The following PIGU variants were observed in gnomAD, a reference collection of about 807,000 sequenced individuals.
The protein encoded by PIGU is phosphatidylinositol glycan anchor biosynthesis class U.
A neutral mutation model predicts 49.9 loss-of-function variants in PIGU; 24 were observed. The observed-to-expected ratio is 0.48, with a 90% confidence interval of 0.35 to 0.68. The LOEUF (loss-of-function observed/expected upper bound fraction) is 0.68. Ranked by LOEUF, PIGU falls within the 30% of genes least tolerant of loss-of-function variation. PIGU has a pLI of 0.01. For synonymous variants in PIGU, 220 were observed against 205.7 expected (o/e 1.07, Z -0.59); for missense variants, 490 against 532.6 (o/e 0.92, Z 0.79).
At chr20:34,640,493 G>A (rs986762151) in intron 4 of PIGU, among the ~76,000 whole-genome samples, 8 of 46,964 alleles carry the variant, frequency 1.7e-4, no homozygotes, top group East Asian at 8.5e-4. Context: ...ACACATGTGC[G>A]CACGCGCACA....
At chr20:34,600,439 A>G (rs941452284) in intron 7 of PIGU, among the ~76,000 whole-genome samples, 10 of 152,032 alleles carry the variant, frequency 6.6e-5, no homozygotes, top group African/African-American at 2.4e-4. Flanking sequence ...AAAAAAGAGA[A>G]AAGAGAAGAA....
chr20:34,623,866 C>T lies in PIGU; in HGVS notation c.530-7727G>A, dbSNP rs146195353. Reference sequence around the variant, plus strand: ...AGGCTTTGAAGTTGGGTTGACCTGACAAAAACTGAGTCCTTGAGTCCTCTA... The same window carrying T: ...AGGCTTTGAAGTTGGGTTGACCTGATAAAAACTGAGTCCTTGAGTCCTCTA... On this transcript the variant is annotated intron_variant, in intron 6 of 11. Coordinates refer to ENST00000217446, the MANE Select transcript of PIGU (RefSeq NM_080476.5). Among the ~76,000 whole-genome samples the T allele has an allele frequency of 5.2e-4, 79 of 152,246 alleles. No homozygotes were observed. The East Asian group carries it at 0.014, about 27-fold the overall frequency.
At chr20:34,601,361 A>G (rs1984418652) in intron 7 of PIGU, among the ~76,000 whole-genome samples, 1 of 152,222 alleles carries the variant, frequency 6.6e-6, no homozygotes, top group Non-Finnish European at 1.5e-5. Context: ...TCTATTTATA[A>G]AAACTGAACT....
Position 34,560,946 on chromosome 20 carries a change from G to A in PIGU, c.1228C>T (p.Leu410=). 1 of 1,612,778 alleles carries A rather than the reference G, an allele frequency of 6.2e-7. No homozygotes were observed. The highest frequency in any genetic ancestry group is 8.5e-7 in the Non-Finnish European group (1 of 1,178,954). Residue 410 remains leucine, a synonymous_variant, in exon 12 of 12, where the codon CTG becomes TTG. Transcript: ENST00000217446. ...LLISDYFYAF[L]RREYYLTHGL... ...TGTGTGAGGTAGTACTCCCGCCGCA[G>A]GAAGGCATAGAAGTAATCAGAGATG...
chr20:34,647,001 T>A (rs913372627), intron 2 of PIGU, among the ~76,000 whole-genome samples: 6 of 151,900 alleles, frequency 3.9e-5, no homozygotes, highest in African/African-American at 9.7e-5. Flanking sequence ...ATTTTTTTTG[T>A]TATTTATATA....
chr20:34,566,237 C>T (rs1253342641), intron 11 of PIGU, among the ~76,000 whole-genome samples: 1 of 152,254 alleles, frequency 6.6e-6, no homozygotes, highest in East Asian at 1.9e-4. Context: ...TACATGGACC[C>T]TGAAGTGAAG....
chr20:34,602,325 G>C (rs751864829), intron 7 of PIGU, among the ~76,000 whole-genome samples: 4 of 151,766 alleles, frequency 2.6e-5, no homozygotes, highest in Non-Finnish European at 5.9e-5. Flanking sequence ...GGCTGGGTGC[G>C]GTGGCTCACA....
intron 7 of PIGU, among the ~76,000 whole-genome samples, chr20:34,593,207 C>A: frequency 6.6e-6 from 1 of 151,932 alleles, no homozygotes. Context: ...CATGGTGGCA[C>A]ATGTCTGTAG....
intron 7 of PIGU, among the ~76,000 whole-genome samples, chr20:34,613,981 G>A (rs1302367548): frequency 4.6e-5 from 7 of 152,150 alleles, no homozygotes; most frequent in African/African-American, 1.7e-4. Context: ...CAGTGATTTA[G>A]CTAAAGCAAC....
At chr20:34,660,250 T>A (rs1218960611) in intron 1 of PIGU, among the ~76,000 whole-genome samples, 2 of 151,958 alleles carry the variant, frequency 1.3e-5, no homozygotes, top group African/African-American at 4.8e-5. Flanking sequence ...GATGCTAAAA[T>A]TAGTGGGCAA....
intron 9 of PIGU, among the ~76,000 whole-genome samples, chr20:34,582,473 A>C (rs1983519759): frequency 6.6e-6 from 1 of 152,070 alleles, no homozygotes; most frequent in African/African-American, 2.4e-5. Context: ...TGAGCCCAGG[A>C]GTTTGAGACC....
At chr20:34,588,103 T>C (rs1373083875) in intron 8 of PIGU, among the ~76,000 whole-genome samples, 2 of 151,994 alleles carry the variant, frequency 1.3e-5, no homozygotes, top group Non-Finnish European at 2.9e-5. Context: ...AATACAAAAA[T>C]TAGCCGGGCG....
intron 7 of PIGU, among the ~76,000 whole-genome samples, chr20:34,588,880 T>C (rs1202547146): frequency 6.6e-6 from 1 of 152,152 alleles, no homozygotes; most frequent in Non-Finnish European, 1.5e-5. Flanking sequence ...TGCACCATTG[T>C]TTGGAATATC....
chr20:34,572,983 G>A (rs1983076404), intron 11 of PIGU, among the ~76,000 whole-genome samples: 2 of 152,266 alleles, frequency 1.3e-5, no homozygotes, highest in African/African-American at 4.8e-5. Flanking sequence ...TGGGGGCTCA[G>A]GCAGATCTTT....
chr20:34,639,167 C>T (rs6142212), intron 4 of PIGU, among the ~76,000 whole-genome samples: 59,278 of 151,726 alleles, frequency 0.39, 11,930 homozygotes, highest in Admixed American at 0.56. Context: ...TTTGGGAGGC[C>T]GAGGCAGGCA....
At chr20:34,615,890 A>T in intron 7 of PIGU, 152 bp downstream of exon 7, 17 of 1,305,094 alleles carry the variant, frequency 1.3e-5, no homozygotes, top group Non-Finnish European at 1.6e-5. Flanking sequence ...CACTTTGTTT[A>T]AAGTTAGTCA....
At chr20:34,659,347 A>G (rs1793527416) in intron 1 of PIGU, among the ~76,000 whole-genome samples, 1 of 133,516 alleles carries the variant, frequency 7.5e-6, no homozygotes, top group Non-Finnish European at 1.6e-5. Context: ...CCGGGAGGTG[A>G]GGGGCGCCTC....
chr20:34,615,457 G>A (rs572559271), intron 7 of PIGU, among the ~76,000 whole-genome samples: 4 of 152,284 alleles, frequency 2.6e-5, no homozygotes, highest in South Asian at 2.1e-4. Flanking sequence ...AGATAGTTGC[G>A]TTTGCAAATA....
At chr20:34,569,107 G>A (rs997130827) in intron 11 of PIGU, among the ~76,000 whole-genome samples, 2 of 152,094 alleles carry the variant, frequency 1.3e-5, no homozygotes, top group Non-Finnish European at 2.9e-5. Flanking sequence ...GGGAGGCTGA[G>A]GTGGGAGGAC....
Sources: gnomAD v4.1 joint callset for allele counts (sites outside exome capture counted in the v4.1 genomes callset) on GRCh38, gnomAD v4.1.1 for gene constraint, MANE v1.5 for transcripts, NCBI Gene and HGNC (gene_info 2026-07-23, HGNC 2026-07-21) for gene names.